The following ABCB6 variants were observed in gnomAD, a reference collection of about 807,000 sequenced individuals.
ABCB6 encodes ATP binding cassette subfamily B member 6 (LAN blood group), also known as ATP-binding cassette sub-family B member 6.
Under a neutral mutation model 99.4 loss-of-function variants are expected in ABCB6, and 87 were observed. The observed-to-expected ratio is 0.88, with a 90% CI of 0.74 to 1.05. ABCB6 has a LOEUF of 1.05. ABCB6 is among the 50% of genes least tolerant of loss of function. The probability of loss-of-function intolerance (pLI) is 0.00; values close to 1 mark genes in which losing one functional copy is unlikely to be tolerated. For synonymous variants in ABCB6, 482 were observed against 447.5 expected, an observed-to-expected ratio of 1.08 and a Z score of -0.97; for missense variants, 1,050 against 1,097.9, an observed-to-expected ratio of 0.96 and a Z score of 0.62.
chr2:219,210,192 T>G (rs1559234076), intron 18 of ABCB6, 38 bp downstream of exon 18: 1 of 1,612,996 alleles, frequency 6.2e-7, no homozygotes, highest in Non-Finnish European at 8.5e-7. Flanking sequence ...GAGCCCCCAA[T>G]TCAGAAGACC....
rs1383033311 is a variant in ABCB6 at position 219,216,382 on chromosome 2, C to T, written c.952G>A (p.Gly318Ser). ...CTCATACCTGTACTGCCAGTGCCAC[C>T]CCCCTGGAGGAACTTGAGGAAGACG... ...SYVFLKFLQG[G>S]GTGSTGFVSN... Residue 318 changes from glycine (G) to serine (S), a missense_variant, in exon 4 of 19, where the codon GGT becomes AGT. By Grantham distance (56) the Gly-to-Ser change is moderately conservative. Coordinates refer to ENST00000265316, the MANE Select transcript of ABCB6 (RefSeq NM_005689.4). This position sits in a 1 kb window ranked among gnomAD's most constrained non-coding sequence, Gnocchi z 4.2. The T allele has an allele frequency of 6.2e-7, 1 of 1,613,966 alleles. No individual in the cohort carries two copies. Among genetic ancestry groups the T allele is most frequent in the Non-Finnish European group, 8.5e-7 (1 of 1,179,922 alleles).
intron 13 of ABCB6, 42 bp downstream of exon 13, chr2:219,212,966 A>C (rs1424785209): frequency 1.1e-5 from 18 of 1,605,354 alleles, no homozygotes; most frequent in Non-Finnish European, 1.4e-5. Context: ...TGAATGAGGG[A>C]AGCTTGAGGC....
chr2:219,214,815 G>T, intron 6 of ABCB6, 146 bp downstream of exon 6: 1 of 898,364 alleles, frequency 1.1e-6, no homozygotes, highest in Non-Finnish European at 1.7e-6. Context: ...GAAGAGACCC[G>T]CCCATCACAT....
intron 10 of ABCB6, 43 bp downstream of exon 10, chr2:219,213,547 T>A: frequency 1.2e-6 from 2 of 1,614,064 alleles, no homozygotes; most frequent in Non-Finnish European, 1.7e-6. Flanking sequence ...AGCCAGGAAA[T>A]AATAATGTGC....
Position 219,209,956 on chromosome 2 carries a change from A to G in ABCB6, c.2511T>C (p.Pro837=), listed in dbSNP as rs1290750978. Residue 837 remains proline, a synonymous_variant, in exon 19 of 19, where the codon CCT becomes CCC. Coordinates refer to ENST00000265316, the MANE Select transcript of ABCB6 (RefSeq NM_005689.4). ...ACTTTTGTCACCGTTCCATGGTCTG[A>G]GGCTTAGTGTCTTCAGAGGTTTCTT... ...GQEETSEDTK[P]QTMER 6.2e-7 allele frequency: 1 copy of G among 1,614,044 alleles called. No homozygotes were observed. Among genetic ancestry groups the G allele is most frequent in the East Asian group, 2.2e-5 (1 of 44,892 alleles).
Position 219,216,517 on chromosome 2 carries a change from G to C in ABCB6, c.869-52C>G, listed in dbSNP as rs772807489. ...CTTATGGCGCCCAGGACTCTCTTCAGGCAAAATGGCCCCAGGTACCAGCCA... is the reference window on the plus strand; with the variant it reads ...CTTATGGCGCCCAGGACTCTCTTCACGCAAAATGGCCCCAGGTACCAGCCA... On this transcript the variant is annotated intron_variant, in intron 3 of 18. Coordinates refer to ENST00000265316, the MANE Select transcript of ABCB6 (RefSeq NM_005689.4). The surrounding 1 kb of genome is among the most constrained non-coding windows in gnomAD (Gnocchi z 4.2). 6 of 1,586,964 alleles carry C rather than the reference G, an allele frequency of 3.8e-6. No individual in the cohort carries two copies. Among genetic ancestry groups the C allele is most frequent in the African/African-American group, 1.3e-5 (1 of 74,106 alleles).
rs1255058658 is a variant in ABCB6 at position 219,210,592 on chromosome 2, G to A, written c.2257-117C>T. ...AGAGCCTTGTTTGGGCTTGAGAACT[G>A]GAAAGTGTGTTTTGTGAGATTTGAA... is the stretch of plus-strand genomic sequence containing the variant. On this transcript the variant is annotated intron_variant, in intron 16 of 18. Coordinates refer to ENST00000265316, the MANE Select transcript of ABCB6 (RefSeq NM_005689.4). 9 of 1,590,172 alleles carry A rather than the reference G, an allele frequency of 5.7e-6. No homozygotes were observed. In the East Asian group the frequency reaches 1.8e-4, roughly 32 times the overall value.
In ABCB6 at chr2:219,215,056, G is replaced by A. The variant is rs780297861; in HGVS notation, c.1181C>T (p.Thr394Met). 24 of 1,614,130 alleles carry A rather than the reference G, an allele frequency of 1.5e-5. No homozygotes were observed. Among genetic ancestry groups the A allele is most frequent in the Non-Finnish European group, 2.0e-5 (24 of 1,180,014 alleles). ...LSYLVFNVIP[T>M]LADIIIGIIY... ...GATGCCAATGATGATGTCGGCCAGC[G>A]TGGGGATGACATTGAACACCAGGTA... is the stretch of plus-strand genomic sequence containing the variant. Residue 394 changes from threonine to methionine, a missense_variant, in exon 6 of 19, where the codon ACG becomes ATG. Transcript: ENST00000265316.
At chr2:219,210,197 A>T in intron 18 of ABCB6, 33 bp downstream of exon 18, 1 of 1,613,676 alleles carries the variant, frequency 6.2e-7, no homozygotes. Flanking sequence ...CCCAATTCAG[A>T]AGACCTGTCC....
rs200205391 is a variant in ABCB6 at position 219,213,396 on chromosome 2, C to T, written c.1719+43G>A. The stretch of plus-strand genomic sequence containing the variant: ...TTTTCCAAGCACGAGAAACACCACA[C>T]AGCTCCTCCCTCCCCAAACCCTACT... On this transcript the variant is annotated intron_variant, in intron 11 of 18. Coordinates refer to ENST00000265316, the MANE Select transcript of ABCB6 (RefSeq NM_005689.4). 11 of 1,613,910 alleles carry T rather than the reference C, an allele frequency of 6.8e-6. No individual in the cohort carries two copies. The African/African-American group carries it at 1.3e-4, about 20-fold the overall frequency.
At position 219,213,422 on chromosome 2, in the gene ABCB6, C is replaced by T. The variant is rs1950601759; in HGVS notation, c.1719+17G>A. On this transcript the variant is annotated intron_variant, in intron 11 of 18. Coordinates refer to ENST00000265316, the MANE Select transcript of ABCB6 (RefSeq NM_005689.4). ...AGCTCCTCCCTCCCCAAACCCTACT[C>T]CTCTCCCTTCGCTCACTTCTGTCTC... 2 of 1,614,104 alleles carry T rather than the reference C, an allele frequency of 1.2e-6. No homozygotes were observed. Among genetic ancestry groups the T allele is most frequent in the Admixed American group, 3.3e-5 (2 of 60,010 alleles).
chr2:219,217,736 A>C lies in ABCB6; in HGVS notation c.621T>G (p.Pro207=), dbSNP rs1950661401. The C allele has an allele frequency of 6.2e-7, 1 of 1,613,932 alleles. No individual in the cohort carries two copies. The highest frequency in any genetic ancestry group is 8.5e-7 in the Non-Finnish European group (1 of 1,179,976). Residue 207 remains proline, a synonymous_variant, in exon 2 of 19, where the codon CCT becomes CCG. Coordinates refer to ENST00000265316, the MANE Select transcript of ABCB6 (RefSeq NM_005689.4). ...GGLFVLGLWA[P]GLRPQSYTLQ... The stretch of plus-strand genomic sequence containing the variant: ...ATGTATAGGACTGGGGACGAAGTCC[A>C]GGGGCCCAGAGACCCAGGACAAACA...
chr2:219,212,489 C>T lies in ABCB6; in HGVS notation c.1866G>A (p.Val622=). ...TGCTCTTCCCTGCCCCAGATGGGCCCACCTGTTGCATTGGAAATGGGAAAA... is the reference window on the plus strand; with the variant it reads ...TGCTCTTCCCTGCCCCAGATGGGCCTACCTGTTGCATTGGAAATGGGAAAA... ...TVMPGQTLAL[V]GPSGAGKSTI... is the part of the protein sequence containing the mutation. The change falls in exon 14 of 19, where the codon GTG becomes GTA. Residue 622 remains valine (V), a splice_region_variant and synonymous_variant. Transcript: ENST00000265316. 1 of 1,613,168 alleles carries T rather than the reference C, an allele frequency of 6.2e-7. No homozygotes were observed. Among genetic ancestry groups the T allele is most frequent in the Non-Finnish European group, 8.5e-7 (1 of 1,179,584 alleles).
In ABCB6 at chr2:219,213,901, C is replaced by T; in HGVS notation, c.1503G>A (p.Gln501=). ...GGAGCCCGAGCCCAATCACCAGGTTCTGGGTCTGATTTAGTAAAACCAGTG... is the reference window on the plus strand; with the variant it reads ...GGAGCCCGAGCCCAATCACCAGGTTTTGGGTCTGATTTAGTAAAACCAGTG... ...SASLVLLNQT[Q]NLVIGLGLLA... is the part of the protein sequence containing the mutation. The change falls in exon 9 of 19, where the codon CAG becomes CAA. Residue 501 remains glutamine, a synonymous_variant. Coordinates refer to ENST00000265316, the MANE Select transcript of ABCB6 (RefSeq NM_005689.4). 6.2e-7 allele frequency: 1 copy of T among 1,614,146 alleles called. No individual in the cohort carries two copies. The highest frequency in any genetic ancestry group is 8.5e-7 in the Non-Finnish European group (1 of 1,180,038).
At position 219,218,503 on chromosome 2, in the gene ABCB6, A is replaced by G. The variant is rs771029888; in HGVS notation, c.171T>C (p.Ala57=). 2.2e-5 allele frequency: 36 copies of G among 1,609,258 alleles called. No individual in the cohort carries two copies. The highest frequency in any genetic ancestry group is 3.0e-5 in the Non-Finnish European group (35 of 1,178,452). ...ALPCRRRERP[A]GADSLSWGAG... is the part of the protein sequence containing the mutation. ...CCCCCCAAGACAGCGAATCAGCACC[A>G]GCGGGCCGCTCCCGGCGTCTGCAGG... The change falls in exon 1 of 19, where the codon GCT becomes GCC. Residue 57 remains alanine, a synonymous_variant. Transcript: ENST00000265316.
rs1950617220 is a variant in ABCB6, at chr2:219,214,575, T to C, written c.1277-77A>G. 2.8e-6 allele frequency: 3 copies of C among 1,067,116 alleles called. No individual in the cohort carries two copies. In the Admixed American group the frequency reaches 5.3e-5, roughly 19 times the overall value. The allele number at this position is 1,067,116 out of a possible 1,614,324, so 66.1% of individuals were successfully genotyped here. A position where few individuals can be genotyped will look rare whatever the true frequency, so the allele number is the denominator to read the frequency against. ...AGACCAAATGTCAATGTCCACTACC[T>C]GCCATGTACACACTAAGCCTATGCT... On this transcript the variant is annotated intron_variant, in intron 6 of 18. Transcript: ENST00000265316.
chr2:219,218,833 T>G lies in ABCB6; in HGVS notation c.-160A>C. On this transcript the variant is annotated 5_prime_UTR_variant, in exon 1 of 19. Transcript: ENST00000265316. ...GGAAGGGACGCACGTGGACCAGGCCTCACCGCCCACTCCCCTAGCGCACGC... is the reference window on the plus strand; with the variant it reads ...GGAAGGGACGCACGTGGACCAGGCCGCACCGCCCACTCCCCTAGCGCACGC... The G allele has an allele frequency of 1.3e-6, 1 of 758,200 alleles. No individual in the cohort carries two copies. Among genetic ancestry groups the G allele is most frequent in the Non-Finnish European group, 2.0e-6 (1 of 500,578 alleles). The allele number at this position is 758,200 out of a possible 1,614,324, so 47.0% of individuals were successfully genotyped here. A position where few individuals can be genotyped will look rare whatever the true frequency, so the allele number is the denominator to read the frequency against.
In ABCB6 at chr2:219,218,712, G is replaced by T. The variant is rs1376643428; in HGVS notation, c.-39C>A. 1.3e-6 allele frequency: 2 copies of T among 1,508,632 alleles called. No individual in the cohort carries two copies. 93.5% of individuals were successfully genotyped at this position (1,508,632 alleles called of 1,614,324 possible). ...CGCCGGCCGAGGCTGCGGGCACTGC[G>T]GGACCGGAGGCCGGGACTGGTCACT... On this transcript the variant is annotated 5_prime_UTR_variant, in exon 1 of 19. Transcript: ENST00000265316.
intron 1 of ABCB6, 98 bp downstream of exon 1, chr2:219,218,027 G>A: frequency 6.9e-7 from 1 of 1,455,568 alleles, no homozygotes; most frequent in Non-Finnish European, 9.2e-7. Context: ...CCTTTGCTTA[G>A]AGGCATCCTA....
Sources: gnomAD v4.1 joint callset for allele counts on GRCh38, gnomAD v4.1.1 for gene constraint, Gnocchi (gnomAD v3.1) non-coding constraint, MANE v1.5 for transcripts, NCBI Gene and HGNC (gene_info 2026-07-23, HGNC 2026-07-21) for gene names.